PTPRD: variants seen among roughly 807,000 people sequenced by gnomAD.
PTPRD encodes receptor-type tyrosine-protein phosphatase delta.
Under a neutral mutation model 214.5 loss-of-function variants are expected in PTPRD, and 34 were observed. The observed-to-expected ratio is 0.16, with a 90% confidence interval of 0.12 to 0.21. The LOEUF (loss-of-function observed/expected upper bound fraction) is 0.21, where lower values mean the gene tolerates loss of function less well. PTPRD is among the 10% of genes least tolerant of loss of function. PTPRD has a pLI of 1.00. For missense variants in PTPRD, 2,545 were observed against 2,398.7 expected (o/e 1.06, Z -1.27); for synonymous variants, 1,128 against 845.7 (o/e 1.33, Z -5.79).
intron 11 of PTPRD, among the ~76,000 whole-genome samples, chr9:8,986,886 A>C (rs1386083676): frequency 6.6e-6 from 1 of 152,084 alleles, no homozygotes; most frequent in Non-Finnish European, 1.5e-5. Context: ...GGTGTTTGAA[A>C]GTGATGTACT....
chr9:10,558,967 C>T (rs2063230389), intron 2 of PTPRD, among the ~76,000 whole-genome samples: 1 of 152,022 alleles, frequency 6.6e-6, no homozygotes, highest in South Asian at 2.1e-4. Flanking sequence ...TCACCTTTAC[C>T]AGAATTACTG....
intron 8 of PTPRD, among the ~76,000 whole-genome samples, chr9:9,493,643 C>A (rs1416398924): frequency 6.6e-6 from 1 of 151,476 alleles, no homozygotes; most frequent in African/African-American, 2.4e-5. Flanking sequence ...AAAAAATTAG[C>A]CGGGTGTGGT....
At position 9,462,909 on chromosome 9, in the gene PTPRD, A is replaced by C. The variant is rs137879416; in HGVS notation, c.-236-65427T>G. 6.0e-4 allele frequency among the ~76,000 whole-genome samples: 91 copies of C among 152,298 alleles called. 1 individual carries two copies. In the East Asian group the frequency reaches 0.015, roughly 25 times the overall value. On this transcript the variant is annotated intron_variant, in intron 8 of 45. Coordinates refer to ENST00000381196, the MANE Select transcript of PTPRD (RefSeq NM_002839.4). Reference sequence around the variant, plus strand: ...GCTGTGACCCACAAAAAATGAAAGAATCATCACATCAGTTTTCTTTGTCAC... The same window carrying C: ...GCTGTGACCCACAAAAAATGAAAGACTCATCACATCAGTTTTCTTTGTCAC...
intron 10 of PTPRD, among the ~76,000 whole-genome samples, chr9:9,157,828 T>C (rs1474811095): frequency 1.3e-5 from 2 of 152,200 alleles, no homozygotes; most frequent in Non-Finnish European, 2.9e-5. Flanking sequence ...TACCCAGGTA[T>C]TAAGCCCAAT....
intron 3 of PTPRD, among the ~76,000 whole-genome samples, chr9:10,205,258 A>C (rs903295644): frequency 4.6e-5 from 7 of 152,056 alleles, no homozygotes; most frequent in African/African-American, 1.7e-4. Flanking sequence ...AATACAACAA[A>C]AACTTTAAAT....
At chr9:10,403,397 AT>A (rs931600164) in intron 2 of PTPRD, among the ~76,000 whole-genome samples, 2 of 150,926 alleles carry the variant, frequency 1.3e-5, no homozygotes, top group Non-Finnish European at 3.0e-5. Flanking sequence ...TAGTTAATTA[AT>A]TTTTTTAATT....
intron 4 of PTPRD, among the ~76,000 whole-genome samples, chr9:9,971,413 G>C (rs747403032): frequency 1.3e-5 from 2 of 152,112 alleles, no homozygotes; most frequent in Non-Finnish European, 2.9e-5. Context: ...TTTGAAGGTA[G>C]AAGATTATTT....
chr9:9,212,972 G>C (rs563429197), intron 9 of PTPRD, among the ~76,000 whole-genome samples: 2 of 152,288 alleles, frequency 1.3e-5, no homozygotes, highest in African/African-American at 4.8e-5. Context: ...AGATTCTATA[G>C]ATTCTAACTC....
chr9:10,382,368 C>A (rs1471245284), intron 2 of PTPRD, among the ~76,000 whole-genome samples: 1 of 151,842 alleles, frequency 6.6e-6, no homozygotes. Flanking sequence ...GTATGCTTTA[C>A]TTTTCACTCC....
At chr9:10,509,355 G>A (rs2047164378) in intron 2 of PTPRD, among the ~76,000 whole-genome samples, 1 of 150,966 alleles carries the variant, frequency 6.6e-6, no homozygotes, top group African/African-American at 2.4e-5. Context: ...TCATAGATAT[G>A]GATTTTATTC....
chr9:8,516,798 CTTTT>C (rs71500960), intron 21 of PTPRD, among the ~76,000 whole-genome samples: 1 of 107,892 alleles, frequency 9.3e-6, no homozygotes, highest in Admixed American at 1.2e-4. Context: ...CAAGAATAAA[CTTTT>C]TTTTTTTTTT....
rs2134148884 is a variant in PTPRD at position 8,460,490 on chromosome 9, C to G, written c.3796G>C (p.Gly1266Arg). Reference sequence around the variant, plus strand: ...ACAGGACCTACAACCCAGATCAAGCCTTCTTCTTCATCCGTGATTGGCTGC... The same window carrying G: ...ACAGGACCTACAACCCAGATCAAGCGTTCTTCTTCATCCGTGATTGGCTGC... The part of the protein sequence containing the change: ...DPQPITDEEE[G>R]LIWVVGPVLA... Residue 1266 changes from glycine (G) to arginine (R), a missense_variant, in exon 33 of 46, where the codon GGC becomes CGC. Gly to Arg is a moderately radical substitution (Grantham distance 125). Transcript: ENST00000381196. The G allele has an allele frequency of 6.8e-6, 11 of 1,613,562 alleles. No homozygotes were observed. The highest frequency in any genetic ancestry group is 9.3e-6 in the Non-Finnish European group (11 of 1,179,666).
At chr9:10,500,172 T>C (rs907442613) in intron 2 of PTPRD, among the ~76,000 whole-genome samples, 5 of 151,940 alleles carry the variant, frequency 3.3e-5, no homozygotes, top group African/African-American at 1.2e-4. Context: ...CTTTCATGCA[T>C]ATGTATTACA....
chr9:8,988,940 G>A (rs1178112074), intron 11 of PTPRD, among the ~76,000 whole-genome samples: 2 of 152,026 alleles, frequency 1.3e-5, no homozygotes, highest in African/African-American at 2.4e-5. Context: ...TTCAGAATTG[G>A]GAAAGCTAGA....
At chr9:9,211,909 G>A (rs1253373835) in intron 9 of PTPRD, among the ~76,000 whole-genome samples, 1 of 151,612 alleles carries the variant, frequency 6.6e-6, no homozygotes, top group Non-Finnish European at 1.5e-5. Flanking sequence ...GCCAAGATTT[G>A]AAACCAGTTC....
chr9:9,212,834 A>C (rs1388177343), intron 9 of PTPRD, among the ~76,000 whole-genome samples: 1 of 152,090 alleles, frequency 6.6e-6, no homozygotes, highest in Non-Finnish European at 1.5e-5. Context: ...GCAATGTGTG[A>C]GGTGAAAAAA....
intron 21 of PTPRD, among the ~76,000 whole-genome samples, chr9:8,516,279 T>C (rs545062902): frequency 1.3e-5 from 2 of 152,250 alleles, no homozygotes; most frequent in East Asian, 3.9e-4. Flanking sequence ...AGCAAATAAA[T>C]ACAGAAGTAC....
intron 11 of PTPRD, among the ~76,000 whole-genome samples, chr9:8,881,657 G>A (rs550348343): frequency 6.6e-6 from 1 of 152,286 alleles, no homozygotes; most frequent in African/African-American, 2.4e-5. Flanking sequence ...AGAGTGAGAG[G>A]TGGGGCCATT....
chr9:9,397,246 CTG>C, intron 9 of PTPRD, among the ~76,000 whole-genome samples: 1 of 152,046 alleles, frequency 6.6e-6, no homozygotes, highest in East Asian at 1.9e-4. Flanking sequence ...ATAAACATCT[CTG>C]TTGACAAAAT....
Sources: gnomAD v4.1 joint callset for allele counts (sites outside exome capture counted in the v4.1 genomes callset) on GRCh38, gnomAD v4.1.1 for gene constraint, MANE v1.5 for transcripts, NCBI Gene and HGNC (gene_info 2026-07-23, HGNC 2026-07-21) for gene names.